The following CDH13 variants were observed in gnomAD, a reference collection of about 807,000 sequenced individuals.
The protein encoded by CDH13 is cadherin-13.
A neutral mutation model predicts 63.8 loss-of-function variants in CDH13; 24 were observed. That is an observed-to-expected ratio of 0.38 (90% confidence interval 0.27 to 0.53). The LOEUF (loss-of-function observed/expected upper bound fraction) is 0.53, where lower values mean the gene tolerates loss of function less well. CDH13 is among the 20% of genes least tolerant of loss of function. The probability of loss-of-function intolerance (pLI) is 0.85; values close to 1 mark genes in which losing one functional copy is unlikely to be tolerated. For missense variants in CDH13, 1,049 were observed against 903.1 expected (o/e 1.16, Z -2.07); for synonymous variants, 503 against 355.3 (o/e 1.42, Z -4.67).
rs986788616 is a variant in CDH13 at position 82,666,896 on chromosome 16, G to C, written c.45+39759G>C. 1.7e-4 allele frequency among the ~76,000 whole-genome samples: 26 copies of C among 152,122 alleles called. 1 individual carries two copies. Among genetic ancestry groups the C allele is most frequent in the Admixed American group, 1.6e-3 (24 of 15,278 alleles). ...AGAATCAGAACCACCTTGTCAAGATGGGTGACAATTACAACAGAGAAATGA... is the reference window on the plus strand; with the variant it reads ...AGAATCAGAACCACCTTGTCAAGATCGGTGACAATTACAACAGAGAAATGA... On this transcript the variant is annotated intron_variant, in intron 1 of 13. Transcript: ENST00000567109.
At chr16:82,922,233 C>T (rs1049949312) in intron 2 of CDH13, among the ~76,000 whole-genome samples, 15 of 152,210 alleles carry the variant, frequency 9.9e-5, no homozygotes, top group African/African-American at 3.6e-4. Flanking sequence ...TATTGATTTT[C>T]TCTGATGCAT....
chr16:83,550,684 A>G (rs2075474345), intron 7 of CDH13, among the ~76,000 whole-genome samples: 1 of 152,194 alleles, frequency 6.6e-6, no homozygotes. Flanking sequence ...GGAAAGTTCC[A>G]TGAGGCCAGA....
At chr16:83,691,461 C>T (rs149510039) in intron 10 of CDH13, among the ~76,000 whole-genome samples, 1 of 152,084 alleles carries the variant, frequency 6.6e-6, no homozygotes, top group Non-Finnish European at 1.5e-5. Context: ...GGAGGAGTGG[C>T]CCTGCCTGGT....
At chr16:82,693,609 T>A (rs2029904310) in intron 1 of CDH13, among the ~76,000 whole-genome samples, 1 of 152,220 alleles carries the variant, frequency 6.6e-6, no homozygotes, top group South Asian at 2.1e-4. Context: ...TATGCAAACA[T>A]GCCAAGATGC....
chr16:83,503,066 G>A (rs1268096728), intron 7 of CDH13, among the ~76,000 whole-genome samples: 1 of 152,202 alleles, frequency 6.6e-6, no homozygotes, highest in African/African-American at 2.4e-5. Context: ...CACAGAGAGA[G>A]GGGCTCCTTG....
intron 1 of CDH13, among the ~76,000 whole-genome samples, chr16:82,836,135 TG>T (rs2038756685): frequency 6.6e-6 from 1 of 152,194 alleles, no homozygotes; most frequent in Non-Finnish European, 1.5e-5. Flanking sequence ...TGCTTGTTTT[TG>T]TTTTTTTGAG....
chr16:83,520,389 G>A (rs2074802243), intron 7 of CDH13, among the ~76,000 whole-genome samples: 1 of 152,164 alleles, frequency 6.6e-6, no homozygotes, highest in African/African-American at 2.4e-5. Flanking sequence ...AGAGGACATA[G>A]GAAAGCCTGC....
At chr16:83,723,452 A>T (rs1466901125) in intron 10 of CDH13, among the ~76,000 whole-genome samples, 1 of 152,148 alleles carries the variant, frequency 6.6e-6, no homozygotes, top group African/African-American at 2.4e-5. Flanking sequence ...CTCCTCAGTG[A>T]CATCAGCTCA....
chr16:83,664,410 T>G (rs1913738742), intron 8 of CDH13, among the ~76,000 whole-genome samples: 1 of 152,108 alleles, frequency 6.6e-6, no homozygotes, highest in Non-Finnish European at 1.5e-5. Context: ...TTCTGAGACA[T>G]CGGGCTTTCT....
chr16:83,156,964 C>T (rs1023941947), intron 4 of CDH13, among the ~76,000 whole-genome samples: 22 of 152,078 alleles, frequency 1.4e-4, no homozygotes, highest in African/African-American at 3.9e-4. Context: ...TTCTAAAATT[C>T]GAACAAGGGT....
At chr16:83,498,233 C>G (rs2074193574) in intron 7 of CDH13, among the ~76,000 whole-genome samples, 2 of 152,154 alleles carry the variant, frequency 1.3e-5, no homozygotes, top group African/African-American at 4.8e-5. Flanking sequence ...GGGGCACTCC[C>G]TGGAGCTGAG....
intron 7 of CDH13, among the ~76,000 whole-genome samples, chr16:83,554,919 C>CT (rs200979734): frequency 0.23 from 31,132 of 133,352 alleles, 3,695 homozygotes; most frequent in Admixed American, 0.26. Flanking sequence ...ACTGCTGAAT[C>CT]TTTTTTTTTT....
At chr16:83,665,774 C>G (rs1221873353) in intron 8 of CDH13, among the ~76,000 whole-genome samples, 2 of 152,184 alleles carry the variant, frequency 1.3e-5, no homozygotes, top group Non-Finnish European at 2.9e-5. Flanking sequence ...CCATCTGTGT[C>G]TTTCCAGCCT....
At chr16:82,808,036 G>T (rs1222395863) in intron 1 of CDH13, among the ~76,000 whole-genome samples, 1 of 152,108 alleles carries the variant, frequency 6.6e-6, no homozygotes, top group Non-Finnish European at 1.5e-5. Flanking sequence ...TCTAGGCAAG[G>T]GGCAAAATGG....
intron 1 of CDH13, among the ~76,000 whole-genome samples, chr16:82,811,944 G>T (rs974645346): frequency 2.6e-5 from 4 of 152,118 alleles, no homozygotes; most frequent in African/African-American, 9.7e-5. Context: ...GAGTATCATG[G>T]AAATATTAAA....
intron 1 of CDH13, among the ~76,000 whole-genome samples, chr16:82,800,646 G>T (rs1287865403): frequency 6.6e-6 from 1 of 152,104 alleles, no homozygotes; most frequent in Non-Finnish European, 1.5e-5. Context: ...TACATGATTT[G>T]GAGCATATTT....
chr16:82,759,399 A>C (rs2034743264), intron 1 of CDH13, among the ~76,000 whole-genome samples: 1 of 152,254 alleles, frequency 6.6e-6, no homozygotes, highest in South Asian at 2.1e-4. Context: ...AGGAGCTAAC[A>C]GTGTAGGGAC....
At chr16:83,789,360 G>GT (rs1916106801) in intron 13 of CDH13, among the ~76,000 whole-genome samples, 1 of 90,898 alleles carries the variant, frequency 1.1e-5, no homozygotes, top group African/African-American at 4.2e-5. Context: ...TGTCTGTTTT[G>GT]TTTTAAGACT....
At chr16:83,584,634 C>T (rs974985765) in intron 7 of CDH13, among the ~76,000 whole-genome samples, 2 of 152,252 alleles carry the variant, frequency 1.3e-5, no homozygotes, top group South Asian at 4.1e-4. Flanking sequence ...CCCACATGAT[C>T]CCTCGATAGT....
Sources: gnomAD v4.1 joint callset for allele counts (sites outside exome capture counted in the v4.1 genomes callset) on GRCh38, gnomAD v4.1.1 for gene constraint, MANE v1.5 for transcripts, NCBI Gene and HGNC (gene_info 2026-07-23, HGNC 2026-07-21) for gene names.